LMTK2: variants seen among roughly 807,000 people sequenced by gnomAD.
The protein encoded by LMTK2 is serine/threonine-protein kinase LMTK2.
Under a neutral mutation model 127.5 loss-of-function variants are expected in LMTK2, and 37 were observed. The observed-to-expected ratio is 0.29, with a 90% CI of 0.22 to 0.38. The LOEUF (loss-of-function observed/expected upper bound fraction) is 0.38. LMTK2 is among the 10% of genes least tolerant of loss of function. The pLI is 1.00. For synonymous variants in LMTK2, 819 were observed against 810.1 expected (o/e 1.01, Z -0.19); for missense variants, 1,694 against 1,920.3 (o/e 0.88, Z 2.20).
intron 11 of LMTK2, among the ~76,000 whole-genome samples, chr7:98,196,348 C>T (rs922428211): frequency 2.0e-5 from 3 of 152,168 alleles, no homozygotes; most frequent in Non-Finnish European, 2.9e-5. Context: ...TGAGAAAACA[C>T]GCTGCCGTTT....
chr7:98,152,752 T>A (rs920507756), intron 4 of LMTK2, among the ~76,000 whole-genome samples: 2 of 152,046 alleles, frequency 1.3e-5, no homozygotes, highest in Non-Finnish European at 2.9e-5. Flanking sequence ...GAGATCATGA[T>A]GTAATTGAGT....
chr7:98,107,450 G>T (rs1279507493), intron 1 of LMTK2, among the ~76,000 whole-genome samples, 170 bp downstream of exon 1: 9 of 151,520 alleles, frequency 5.9e-5, no homozygotes, highest in Non-Finnish European at 8.8e-5. Flanking sequence ...GTGGGATTTG[G>T]GGGGGCGGGA....
chr7:98,203,407 G>C (rs1483280404), intron 11 of LMTK2, among the ~76,000 whole-genome samples, 167 bp from the exon 12 acceptor site: 3 of 152,240 alleles, frequency 2.0e-5, no homozygotes, highest in Non-Finnish European at 4.4e-5. Context: ...CAGAGGGAGA[G>C]ACAGGGCCTA....
At chr7:98,119,623 A>G (rs1218598566) in intron 1 of LMTK2, among the ~76,000 whole-genome samples, 1 of 152,228 alleles carries the variant, frequency 6.6e-6, no homozygotes, top group Non-Finnish European at 1.5e-5. Flanking sequence ...TAGTCCGACA[A>G]TCAGATGCTG....
chr7:98,122,765 G>C (rs1438685928), intron 1 of LMTK2, among the ~76,000 whole-genome samples: 1 of 149,766 alleles, frequency 6.7e-6, no homozygotes, highest in Admixed American at 6.7e-5. Context: ...CCCTAGGCTG[G>C]GGTGTCCCTT....
chr7:98,121,398 G>A (rs1027157815), intron 1 of LMTK2, among the ~76,000 whole-genome samples: 28 of 152,120 alleles, frequency 1.8e-4, no homozygotes, highest in African/African-American at 5.8e-4. Flanking sequence ...GGAGGCCAAG[G>A]CAGGTGGATC....
intron 8 of LMTK2, 124 bp downstream of exon 8, chr7:98,185,259 A>T: frequency 3.0e-6 from 2 of 671,860 alleles, no homozygotes; most frequent in South Asian, 4.1e-5. Context: ...AGGGATTTGC[A>T]GCAGTCATTT....
At chr7:98,190,621 T>C in intron 9 of LMTK2, 107 bp from the exon 10 acceptor site, 2 of 1,031,348 alleles carry the variant, frequency 1.9e-6, no homozygotes, top group South Asian at 1.4e-5. Context: ...TAATAATCTT[T>C]TCAATACACA....
intron 7 of LMTK2, among the ~76,000 whole-genome samples, chr7:98,182,257 T>G (rs745331075): frequency 4.6e-5 from 7 of 152,152 alleles, no homozygotes; most frequent in Non-Finnish European, 1.0e-4. Flanking sequence ...TACATGAAAA[T>G]GTTTAAACTT....
Position 98,193,073 on chromosome 7 carries a change from C to G in LMTK2, c.2608C>G (p.Leu870Val). The G allele has an allele frequency of 6.2e-7, 1 of 1,613,884 alleles. No homozygotes were observed. Among genetic ancestry groups the G allele is most frequent in the Non-Finnish European group, 8.5e-7 (1 of 1,180,032 alleles). Residue 870 changes from leucine to valine, a missense_variant, in exon 11 of 14, where the codon CTC becomes GTC. This residue lies in a region of LMTK2 where 527 missense variants were observed against 539.8 expected (regional missense o/e 0.98). Coordinates refer to ENST00000297293, the MANE Select transcript of LMTK2 (RefSeq NM_014916.4). The surrounding 1 kb of genome is among the most constrained non-coding windows in gnomAD (Gnocchi z 4.1). ...CGCTGTGACTGTCCCGGTTGAAATTCTCTCAACTGATGCCAGAACCCACAG... is the reference window on the plus strand; with the variant it reads ...CGCTGTGACTGTCCCGGTTGAAATTGTCTCAACTGATGCCAGAACCCACAG... ...PDAVTVPVEI[L>V]STDARTHSLD... is the part of the protein sequence containing the mutation.
chr7:98,169,761 G>A (rs1471798503), intron 6 of LMTK2, among the ~76,000 whole-genome samples: 1 of 151,764 alleles, frequency 6.6e-6, no homozygotes, highest in Non-Finnish European at 1.5e-5. Context: ...CAACTCCCAA[G>A]CTCCACAGAG....
At chr7:98,110,683 C>T (rs1011058373) in intron 1 of LMTK2, among the ~76,000 whole-genome samples, 1 of 152,128 alleles carries the variant, frequency 6.6e-6, no homozygotes, top group Non-Finnish European at 1.5e-5. Flanking sequence ...TATATGTGAA[C>T]GAATTTCTCT....
chr7:98,129,519 C>T lies in LMTK2; in HGVS notation c.104-7796C>T, dbSNP rs147874530. Among the ~76,000 whole-genome samples, 88 of 152,110 alleles carry T rather than the reference C, an allele frequency of 5.8e-4. 1 individual carries two copies. Among genetic ancestry groups the T allele is most frequent in the African/African-American group, 1.9e-3 (80 of 41,474 alleles). On this transcript the variant is annotated intron_variant, in intron 1 of 13. Transcript: ENST00000297293. ...AGCTGGGACTACAGGTGTGTGTCAC[C>T]GTACCTGGCTGATTTTTCACACTTT...
chr7:98,132,180 T>G (rs1350836782), intron 1 of LMTK2, among the ~76,000 whole-genome samples: 3 of 151,960 alleles, frequency 2.0e-5, no homozygotes, highest in Non-Finnish European at 4.4e-5. Context: ...TTAAATCCAT[T>G]AGCTCATGAT....
At chr7:98,201,599 G>A (rs1225353191) in intron 11 of LMTK2, among the ~76,000 whole-genome samples, 2 of 149,692 alleles carry the variant, frequency 1.3e-5, no homozygotes, top group African/African-American at 4.9e-5. Context: ...CTTCGTGTGT[G>A]TGTTTTGTTT....
chr7:98,111,487 G>A (rs17169304), intron 1 of LMTK2, among the ~76,000 whole-genome samples: 9,173 of 152,204 alleles, frequency 0.06, 643 homozygotes, highest in East Asian at 0.33. Flanking sequence ...GAAGAGCTTG[G>A]GCTTTGTAGT....
chr7:98,129,639 T>C (rs1796493957), intron 1 of LMTK2, among the ~76,000 whole-genome samples: 1 of 152,208 alleles, frequency 6.6e-6, no homozygotes, highest in Admixed American at 6.5e-5. Flanking sequence ...GCACTGGGAT[T>C]ACAGGCGTGA....
chr7:98,146,889 A>AG (rs1796782098), intron 3 of LMTK2, among the ~76,000 whole-genome samples: 1 of 152,082 alleles, frequency 6.6e-6, no homozygotes, highest in South Asian at 2.1e-4. Flanking sequence ...GTGTCCTTTT[A>AG]TTTCAGCCTG....
At position 98,205,574 on chromosome 7, in the gene LMTK2, C is replaced by A; in HGVS notation, c.*82C>A. The A allele has an allele frequency of 7.1e-7, 1 of 1,413,400 alleles. No individual in the cohort carries two copies. The highest frequency in any genetic ancestry group is 9.9e-7 in the Non-Finnish European group (1 of 1,014,852). 87.6% of individuals were successfully genotyped at this position (1,413,400 alleles called of 1,614,324 possible). ...GCGCCCTCAGCCCGAGCAGCGACAT[C>A]CACTCGCCATTTGCTGACATGAGAT... On this transcript the variant is annotated 3_prime_UTR_variant, in exon 14 of 14. Transcript: ENST00000297293.
Sources: allele counts gnomAD v4.1 joint callset (sites outside exome capture counted in the v4.1 genomes callset), GRCh38; gene constraint gnomAD v4.1.1; regional missense constraint gnomAD v4.1.1; non-coding constraint Gnocchi (gnomAD v3.1); transcripts MANE v1.5; gene names NCBI Gene and HGNC (gene_info 2026-07-23, HGNC 2026-07-21).